PHIP: variants seen among roughly 807,000 people sequenced by gnomAD.
The protein encoded by PHIP is PH-interacting protein.
A neutral mutation model predicts 236.8 loss-of-function variants in PHIP; 54 were observed. That is an observed-to-expected ratio of 0.23 (90% CI 0.18 to 0.29). PHIP has a LOEUF of 0.29. Among genes scored for constraint, PHIP ranks in the 10% least tolerant of loss-of-function variants. The pLI is 1.00. For missense variants in PHIP, 1,370 were observed against 2,190.8 expected, an observed-to-expected ratio of 0.63 and a Z score of 7.48; for synonymous variants, 756 against 718.9, an observed-to-expected ratio of 1.05 and a Z score of -0.83.
chr6:79,074,818 T>C (rs1008721336), intron 4 of PHIP, among the ~76,000 whole-genome samples: 9 of 152,148 alleles, frequency 5.9e-5, no homozygotes, highest in African/African-American at 1.9e-4. Context: ...ACCATTGCGA[T>C]TGTAACTAGA....
chr6:79,016,463 T>C (rs1770837491), intron 13 of PHIP, 81 bp downstream of exon 13: 12 of 666,602 alleles, frequency 1.8e-5, no homozygotes, highest in East Asian at 1.1e-4. Context: ...TATAATTTTA[T>C]AGGCTGAGAG....
At chr6:79,048,511 A>G (rs1272756448) in intron 6 of PHIP, among the ~76,000 whole-genome samples, 1 of 152,184 alleles carries the variant, frequency 6.6e-6, no homozygotes, top group Non-Finnish European at 1.5e-5. Context: ...CAAAATGTTT[A>G]GACTTTTTTC....
rs559223091 is a variant in PHIP, at chr6:78,964,509, T to A, written c.3379+1194A>T. Among the ~76,000 whole-genome samples, 47 of 152,332 alleles carry A rather than the reference T, an allele frequency of 3.1e-4. No individual in the cohort carries two copies. In the South Asian group the frequency reaches 9.3e-3, roughly 30 times the overall value. ...GAGATGTAATATATTATTATTATTT[T>A]TGAGATGGAGTCTCGCTCTGTTGCC... On this transcript the variant is annotated intron_variant, in intron 29 of 39. Transcript: ENST00000275034.
At chr6:79,035,975 T>G (rs1209000115) in intron 7 of PHIP, among the ~76,000 whole-genome samples, 1 of 152,190 alleles carries the variant, frequency 6.6e-6, no homozygotes. Flanking sequence ...GGTGTCAATC[T>G]AACCATCACT....
At chr6:79,020,526 T>C (rs1175647531) in intron 9 of PHIP, among the ~76,000 whole-genome samples, 2 of 152,228 alleles carry the variant, frequency 1.3e-5, no homozygotes, top group Non-Finnish European at 2.9e-5. Context: ...TACTACCTTA[T>C]GGATTATAGC....
At chr6:78,956,842 T>C (rs1365456017) in intron 32 of PHIP, 1 of 152,068 alleles carries the variant, frequency 6.6e-6, no homozygotes, top group Non-Finnish European at 1.5e-5. Flanking sequence ...ACAATTCTCT[T>C]ACTACTTGTC....
intron 7 of PHIP, among the ~76,000 whole-genome samples, chr6:79,030,195 A>G (rs1771601892): frequency 6.6e-6 from 1 of 152,184 alleles, no homozygotes; most frequent in South Asian, 2.1e-4. Context: ...GAGAACAACA[A>G]GCGAATGAAC....
intron 6 of PHIP, among the ~76,000 whole-genome samples, chr6:79,053,391 G>A (rs1033491457): frequency 4.6e-5 from 7 of 152,110 alleles, no homozygotes; most frequent in Admixed American, 2.6e-4. Flanking sequence ...AAAATGTTTT[G>A]CAAATTCAAA....
chr6:79,016,910 C>A (rs935796801), intron 12 of PHIP, among the ~76,000 whole-genome samples: 1 of 151,850 alleles, frequency 6.6e-6, no homozygotes, highest in African/African-American at 2.4e-5. Flanking sequence ...AAGGAAAAAA[C>A]AATGATTTTC....
intron 35 of PHIP, among the ~76,000 whole-genome samples, chr6:78,952,409 C>T (rs532846729): frequency 1.2e-4 from 16 of 135,160 alleles, no homozygotes; most frequent in Non-Finnish European, 2.3e-4. Context: ...CAGAGTGAGA[C>T]TCTGTCCCAA....
chr6:79,063,128 A>C (rs945692332), intron 4 of PHIP, among the ~76,000 whole-genome samples: 1 of 152,210 alleles, frequency 6.6e-6, no homozygotes, highest in African/African-American at 2.4e-5. Context: ...TTGGGGGTTC[A>C]TAAGACTCAT....
intron 20 of PHIP, among the ~76,000 whole-genome samples, chr6:78,989,470 G>C (rs1008234130): frequency 2.0e-5 from 3 of 151,832 alleles, no homozygotes; most frequent in Non-Finnish European, 4.4e-5. Flanking sequence ...ATAAATGCAG[G>C]GTCTTGTCTT....
At position 78,970,280 on chromosome 6, in the gene PHIP, TG is replaced by T. The variant is rs1437669257; in HGVS notation, c.2998-108del. 7.0e-6 allele frequency: 6 copies of T among 856,816 alleles called. No homozygotes were observed. The African/African-American group carries it at 1.0e-4, about 14-fold the overall frequency. 53.1% of individuals were successfully genotyped at this position (856,816 alleles called of 1,614,324 possible). A position where few individuals can be genotyped will look rare whatever the true frequency, so the allele number is the denominator to read the frequency against. On this transcript the variant is annotated intron_variant, in intron 25 of 39. Coordinates refer to ENST00000275034, the MANE Select transcript of PHIP (RefSeq NM_017934.7). ...TTCTTGGTTTAAATCTTGATCTGGATGGTGATGACTGTGTACATGTAAAAAT... is the reference window on the plus strand; with the variant it reads ...TTCTTGGTTTAAATCTTGATCTGGATGTGATGACTGTGTACATGTAAAAAT...
rs1489830983 is a variant in PHIP at position 78,990,935 on chromosome 6, T to C, written c.2252A>G (p.Tyr751Cys). The change falls in exon 20 of 40, where the codon TAC (tyrosine) becomes TGC (cysteine). Residue 751 changes from tyrosine (Y) to cysteine (C), a missense_variant. Physicochemically the swap from Tyr to Cys is radical, Grantham distance 194. Around this residue, in one of 14 missense-constraint regions of PHIP, gnomAD observed 99 missense variants for 110.0 expected, o/e 0.90. Transcript: ENST00000275034. ...GTGTTTTCTTTTCTCTTCTGACCTG[T>C]AAGTCTTTATTTCTTCTTCTCCCTT... ...TAKGEEEIKT[Y>C]RSEEKRKHLT... 1.2e-6 allele frequency: 2 copies of C among 1,612,066 alleles called. No individual in the cohort carries two copies. Among genetic ancestry groups the C allele is most frequent in the Non-Finnish European group, 1.7e-6 (2 of 1,178,482 alleles).
At chr6:79,013,942 AT>A (rs960944648) in intron 15 of PHIP, among the ~76,000 whole-genome samples, 2 of 151,480 alleles carry the variant, frequency 1.3e-5, no homozygotes, top group African/African-American at 2.4e-5. Context: ...AGCAGAAAAT[AT>A]TTTTTACTAG....
rs966301249 is a variant in PHIP, at chr6:79,006,273, A to G, written c.1525-2415T>C. ...ATAGATCCTCAGACAATAAACACCC[A>G]TATCTATAAACTGCAGACTAGGTTT... On this transcript the variant is annotated intron_variant, in intron 15 of 39. Transcript: ENST00000275034. 9.2e-5 allele frequency among the ~76,000 whole-genome samples: 14 copies of G among 152,100 alleles called. 1 individual carries two copies. The South Asian group carries it at 2.5e-3, about 27-fold the overall frequency.
At chr6:79,032,387 A>C (rs539979361) in intron 7 of PHIP, among the ~76,000 whole-genome samples, 1 of 152,320 alleles carries the variant, frequency 6.6e-6, no homozygotes, top group South Asian at 2.1e-4. Context: ...AGTAGAACTT[A>C]TTTCAAAATT....
At chr6:79,061,173 T>G (rs1262503793) in intron 4 of PHIP, among the ~76,000 whole-genome samples, 1 of 152,220 alleles carries the variant, frequency 6.6e-6, no homozygotes, top group African/African-American at 2.4e-5. Context: ...ATACCGGCAT[T>G]TGAAACCATG....
chr6:79,014,044 CTG>C (rs535660503), intron 15 of PHIP, among the ~76,000 whole-genome samples: 165 of 127,398 alleles, frequency 1.3e-3, no homozygotes, highest in Non-Finnish European at 2.1e-3. Context: ...ATAATTAACA[CTG>C]TTTTCTAGAA....
Sources: gnomAD v4.1 joint callset for allele counts (sites outside exome capture counted in the v4.1 genomes callset) on GRCh38, gnomAD v4.1.1 for gene constraint, gnomAD v4.1.1 regional missense constraint, MANE v1.5 for transcripts, NCBI Gene and HGNC (gene_info 2026-07-23, HGNC 2026-07-21) for gene names.